NTRK3: variants seen among roughly 807,000 people sequenced by gnomAD.
NTRK3 encodes the protein NT-3 growth factor receptor.
NTRK3 carries 24 observed loss-of-function variants against 91.7 expected under a neutral mutation model. The observed-to-expected ratio is 0.26, with a 90% CI of 0.19 to 0.37. The LOEUF is 0.37. Among genes scored for constraint, NTRK3 ranks in the 10% least tolerant of loss-of-function variants. The pLI is 1.00. For synonymous variants in NTRK3, 483 were observed against 404.0 expected, an observed-to-expected ratio of 1.20 and a Z score of -2.34; for missense variants, 880 against 1,068.9, an observed-to-expected ratio of 0.82 and a Z score of 2.46.
chr15:88,052,726 T>G (rs182038922), intron 13 of NTRK3, among the ~76,000 whole-genome samples: 87 of 152,090 alleles, frequency 5.7e-4, no homozygotes, highest in African/African-American at 1.9e-3. Flanking sequence ...CTTTGGGTAA[T>G]GGAGGTGGAG....
At chr15:87,932,830 C>T (rs536484701) in intron 16 of NTRK3, among the ~76,000 whole-genome samples, 182 bp downstream of exon 16, 12 of 152,162 alleles carry the variant, frequency 7.9e-5, no homozygotes, top group South Asian at 6.2e-4. Context: ...CCCTACAAAC[C>T]GGGGACAAAG....
chr15:88,100,002 T>A (rs1432819115), intron 13 of NTRK3, among the ~76,000 whole-genome samples: 1 of 152,102 alleles, frequency 6.6e-6, no homozygotes, highest in Non-Finnish European at 1.5e-5. Context: ...AGGGCAGCAA[T>A]GGACAGACAA....
intron 3 of NTRK3, among the ~76,000 whole-genome samples, chr15:88,236,476 C>A (rs1363704567): frequency 4.2e-5 from 6 of 141,234 alleles, no homozygotes; most frequent in Non-Finnish European, 7.5e-5. Flanking sequence ...AGTTCAAGAC[C>A]AGCCTGAGCA....
intron 14 of NTRK3, among the ~76,000 whole-genome samples, chr15:87,998,131 T>G (rs55690592): frequency 6.6e-6 from 1 of 152,170 alleles, no homozygotes; most frequent in Non-Finnish European, 1.5e-5. Context: ...TGGATGTGAA[T>G]AGCATCCTCC....
chr15:87,900,115 G>A (rs1476068186), intron 17 of NTRK3, among the ~76,000 whole-genome samples: 1 of 152,162 alleles, frequency 6.6e-6, no homozygotes, highest in Non-Finnish European at 1.5e-5. Flanking sequence ...TAAAAGTGGG[G>A]ATTCAACTTG....
intron 14 of NTRK3, among the ~76,000 whole-genome samples, chr15:87,959,112 T>C (rs554666434): frequency 1.3e-5 from 2 of 152,132 alleles, no homozygotes; most frequent in East Asian, 3.9e-4. Flanking sequence ...CTGTGAACGC[T>C]TGCTCTCCAA....
At chr15:88,021,985 G>A (rs2077629217) in intron 14 of NTRK3, among the ~76,000 whole-genome samples, 1 of 152,046 alleles carries the variant, frequency 6.6e-6, no homozygotes, top group African/African-American at 2.4e-5. Flanking sequence ...AAATAAGAAT[G>A]TCTGACTCCT....
At chr15:88,192,443 T>C (rs989227056) in intron 3 of NTRK3, among the ~76,000 whole-genome samples, 11 of 152,252 alleles carry the variant, frequency 7.2e-5, no homozygotes, top group African/African-American at 2.6e-4. Context: ...TACACATCAA[T>C]GCTCCCGGTA....
At chr15:87,880,189 G>A (rs2065165740) in intron 18 of NTRK3, 81 bp downstream of exon 19, 3 of 1,559,664 alleles carry the variant, frequency 1.9e-6, no homozygotes, top group Middle Eastern at 2.0e-4. Context: ...CTAATGTCTT[G>A]TTCAGTAGGT....
intron 17 of NTRK3, among the ~76,000 whole-genome samples, chr15:87,900,690 G>GGTGTGT (rs61498493): frequency 0.11 from 14,808 of 138,096 alleles, 1,016 homozygotes; most frequent in East Asian, 0.22. Context: ...CTTTACAGAG[G>GGTGTGT]GTGTGTGTGT....
intron 13 of NTRK3, among the ~76,000 whole-genome samples, chr15:88,116,459 T>C (rs1028844068): frequency 5.3e-5 from 8 of 151,814 alleles, no homozygotes; most frequent in Non-Finnish European, 5.9e-5. Flanking sequence ...AAATGGTGGT[T>C]ATAGTTTGTA....
At chr15:87,912,489 A>G (rs2067143276) in intron 17 of NTRK3, among the ~76,000 whole-genome samples, 1 of 152,128 alleles carries the variant, frequency 6.6e-6, no homozygotes, top group South Asian at 2.1e-4. Context: ...AAATAGGGAG[A>G]ATCATGCCAG....
At chr15:88,183,758 A>T (rs1025970097) in intron 4 of NTRK3, among the ~76,000 whole-genome samples, 2 of 152,102 alleles carry the variant, frequency 1.3e-5, no homozygotes, top group Non-Finnish European at 2.9e-5. Context: ...GTAGGTAAGG[A>T]CCAGGGCTTC....
At chr15:88,059,320 G>A (rs1597056858) in intron 13 of NTRK3, among the ~76,000 whole-genome samples, 1 of 152,276 alleles carries the variant, frequency 6.6e-6, no homozygotes, top group Non-Finnish European at 1.5e-5. Flanking sequence ...TCTGCTGGGA[G>A]ACAAGAGTCC....
intron 15 of NTRK3, among the ~76,000 whole-genome samples, chr15:87,939,965 C>A (rs758296898): frequency 3.3e-5 from 5 of 152,202 alleles, no homozygotes; most frequent in African/African-American, 4.8e-5. Context: ...TGCAAATCTG[C>A]CACGTGTCTT....
chr15:87,896,065 A>G (rs2141607638), intron 17 of NTRK3, among the ~76,000 whole-genome samples: 1 of 152,282 alleles, frequency 6.6e-6, no homozygotes, highest in East Asian at 1.9e-4. Context: ...CCCTAAAAGT[A>G]TATAAAACCA....
intron 6 of NTRK3, 115 bp downstream of exon 6, chr15:88,147,220 G>A (rs2042966681): frequency 2.1e-6 from 2 of 955,018 alleles, no homozygotes; most frequent in Non-Finnish European, 3.3e-6. Flanking sequence ...AACCCAAGTA[G>A]GCTCTTCGAG....
At chr15:88,053,232 CAG>C (rs2045386108) in intron 13 of NTRK3, among the ~76,000 whole-genome samples, 1 of 152,074 alleles carries the variant, frequency 6.6e-6, no homozygotes, top group African/African-American at 2.4e-5. Context: ...GGTAAGGGGG[CAG>C]AGAGTAATGA....
chr15:87,889,326 A>T (rs141319215), intron 17 of NTRK3, among the ~76,000 whole-genome samples: 23 of 151,310 alleles, frequency 1.5e-4, no homozygotes, highest in African/African-American at 5.3e-4. Context: ...TCAACAAATT[A>T]TAGCTTGTCA....
Sources: gnomAD v4.1 joint callset for allele counts (sites outside exome capture counted in the v4.1 genomes callset) on GRCh38, gnomAD v4.1.1 for gene constraint, MANE v1.5 for transcripts, NCBI Gene and HGNC (gene_info 2026-07-23, HGNC 2026-07-21) for gene names.